Variants in CCDC7 observed in about 807,000 individuals in gnomAD.
CCDC7 encodes coiled-coil domain-containing protein 7.
Under a neutral mutation model 196.9 loss-of-function variants are expected in CCDC7, and 183 were observed. The ratio of observed to expected loss-of-function variants is 0.93; its 90% CI spans 0.82 to 1.05. CCDC7 has a LOEUF of 1.05. Among genes scored for constraint, CCDC7 ranks in the 50% least tolerant of loss-of-function variants. The probability of loss-of-function intolerance (pLI) is 0.00; values close to 1 mark genes in which losing one functional copy is unlikely to be tolerated. For synonymous variants in CCDC7, 525 were observed against 484.6 expected (o/e 1.08, Z -1.10); for missense variants, 1,540 against 1,482.2 (o/e 1.04, Z -0.64).
At chr10:32,732,769 C>T (rs1592150594) in intron 28 of CCDC7, among the ~76,000 whole-genome samples, 1 of 151,990 alleles carries the variant, frequency 6.6e-6, no homozygotes, top group Non-Finnish European at 1.5e-5. Context: ...GTAGCATTAC[C>T]CACGATATGA....
At chr10:32,518,127 G>A in intron 10 of CCDC7, 152 bp downstream of exon 11, 3 of 1,074,088 alleles carry the variant, frequency 2.8e-6, no homozygotes, top group Non-Finnish European at 3.8e-6. Flanking sequence ...TTTCTGGAAA[G>A]CCTTGTCTAT....
intron 21 of CCDC7, chr10:32,675,581 A>T (rs1037606033): frequency 6.6e-6 from 1 of 152,350 alleles, no homozygotes; most frequent in African/African-American, 2.4e-5. Context: ...TTTTCTGATT[A>T]TCAATATGTT....
rs562089435 is a variant in CCDC7, at chr10:32,540,962, T to C, written c.994-2338T>C. Among the ~76,000 whole-genome samples the C allele has an allele frequency of 1.1e-4, 17 of 152,296 alleles. No homozygotes were observed. In the East Asian group the frequency reaches 3.3e-3, roughly 29 times the overall value. ...TGTTCATCAATGATATAGCAAAATATGTTTTCCAGGTTGCTTGCTTTTTCC... is the reference window on the plus strand; with the variant it reads ...TGTTCATCAATGATATAGCAAAATACGTTTTCCAGGTTGCTTGCTTTTTCC... On this transcript the variant is annotated intron_variant, in intron 11 of 41. Coordinates refer to ENST00000639629, the Ensembl canonical transcript of CCDC7.
At chr10:32,594,177 A>G (rs1302684071) in intron 18 of CCDC7, among the ~76,000 whole-genome samples, 2 of 152,224 alleles carry the variant, frequency 1.3e-5, no homozygotes, top group African/African-American at 2.4e-5. Flanking sequence ...CTTCTTATCC[A>G]TGAGCATGGA....
intron 38 of CCDC7, 40 bp from the exon 40 acceptor site, chr10:32,848,554 CAA>C: frequency 1.5e-6 from 2 of 1,360,170 alleles, no homozygotes; most frequent in East Asian, 2.3e-5. Context: ...TGTGAATAGT[CAA>C]GAGTATTCAT....
intron 5 of CCDC7, among the ~76,000 whole-genome samples, chr10:32,464,605 G>T (rs2133748949): frequency 6.6e-6 from 1 of 152,184 alleles, no homozygotes; most frequent in Non-Finnish European, 1.5e-5. Flanking sequence ...GACCTCCCGG[G>T]CTCAGGTGAT....
intron 41 of CCDC7, among the ~76,000 whole-genome samples, chr10:32,855,486 G>A (rs1405988358): frequency 2.0e-5 from 3 of 152,202 alleles, no homozygotes; most frequent in Non-Finnish European, 4.4e-5. Context: ...GGTGATGGGA[G>A]ACAGTGATAG....
chr10:32,653,591 G>A (rs2069185764), intron 20 of CCDC7, among the ~76,000 whole-genome samples: 1 of 152,080 alleles, frequency 6.6e-6, no homozygotes, highest in South Asian at 2.1e-4. Context: ...ATGTTCCTGT[G>A]GATGGATAGG....
At chr10:32,659,599 G>A (rs1202900469) in intron 20 of CCDC7, among the ~76,000 whole-genome samples, 2 of 151,946 alleles carry the variant, frequency 1.3e-5, no homozygotes, top group Non-Finnish European at 2.9e-5. Flanking sequence ...GCATCTATAC[G>A]AAACTAAAAC....
In CCDC7 at chr10:32,453,331, T is replaced by C; in HGVS notation, c.280-13T>C. 6.8e-7 allele frequency: 1 copy of C among 1,478,920 alleles called. No individual in the cohort carries two copies. The highest frequency in any genetic ancestry group is 9.0e-7 in the Non-Finnish European group (1 of 1,117,258). The allele number at this position is 1,478,920 out of a possible 1,614,324, so 91.6% of individuals were successfully genotyped here. A position where few individuals can be genotyped will look rare whatever the true frequency, so the allele number is the denominator to read the frequency against. On this transcript the variant is annotated splice_polypyrimidine_tract_variant and intron_variant, in intron 1 of 41. Transcript: ENST00000639629. ...ATTAAAGTATCTAATTGGCTTTTAT[T>C]TTTTTTTTACAGGTTGTTTCCACTT...
At chr10:32,566,673 G>A (rs1246075442) in intron 14 of CCDC7, among the ~76,000 whole-genome samples, 1 of 151,582 alleles carries the variant, frequency 6.6e-6, no homozygotes, top group Non-Finnish European at 1.5e-5. Flanking sequence ...CACTTTAGGG[G>A]GCCAAGGCCG....
chr10:32,813,944 C>A (rs954481765), intron 30 of CCDC7, among the ~76,000 whole-genome samples: 2 of 151,942 alleles, frequency 1.3e-5, no homozygotes, highest in Non-Finnish European at 2.9e-5. Flanking sequence ...TCTATAAATA[C>A]AATTTTTATT....
intron 8 of CCDC7, among the ~76,000 whole-genome samples, chr10:32,486,118 T>C (rs1018796119): frequency 2.0e-5 from 3 of 152,184 alleles, no homozygotes; most frequent in African/African-American, 7.2e-5. Flanking sequence ...CCCATTATTA[T>C]TGTGTGGGAG....
At chr10:32,667,439 T>G (rs1284085428) in intron 21 of CCDC7, among the ~76,000 whole-genome samples, 1 of 152,188 alleles carries the variant, frequency 6.6e-6, no homozygotes, top group Non-Finnish European at 1.5e-5. Flanking sequence ...CATGAAGTCT[T>G]TACCCATGCC....
At chr10:32,451,905 T>C (rs2033160744) in exon 1 of CCDC7, 2 of 1,611,772 alleles carry the variant, frequency 1.2e-6, no homozygotes, top group East Asian at 2.2e-5. Context: ...GGAAAAATTA[T>C]CAAACATCTG....
exon 12 of CCDC7, chr10:32,543,340 A>G: frequency 6.8e-7 from 1 of 1,467,048 alleles, no homozygotes; most frequent in Non-Finnish European, 9.2e-7. Context: ...AAAGCTGTGA[A>G]AACAGTGAAG....
At chr10:32,521,226 T>G (rs2047831294) in intron 11 of CCDC7, among the ~76,000 whole-genome samples, 1 of 152,180 alleles carries the variant, frequency 6.6e-6, no homozygotes, top group Non-Finnish European at 1.5e-5. Context: ...CATATAAATG[T>G]TAGGATTTGT....
At chr10:32,668,418 T>G (rs917417432) in intron 21 of CCDC7, among the ~76,000 whole-genome samples, 2 of 151,854 alleles carry the variant, frequency 1.3e-5, no homozygotes, top group South Asian at 4.2e-4. Context: ...TGGATAGGAG[T>G]GGTGAGAGAG....
chr10:32,544,341 A>G, intron 13 of CCDC7, 40 bp downstream of exon 14: 1 of 1,575,210 alleles, frequency 6.3e-7, no homozygotes, highest in Non-Finnish European at 8.7e-7. Context: ...TATTTGATTA[A>G]TACTTGCTCT....
Sources: allele counts gnomAD v4.1 joint callset (sites outside exome capture counted in the v4.1 genomes callset), GRCh38; gene constraint gnomAD v4.1.1; transcripts MANE v1.5; gene names NCBI Gene and HGNC (gene_info 2026-07-23, HGNC 2026-07-21).